Variants in SHANK2 observed in about 807,000 individuals in gnomAD.
SHANK2 encodes the protein SH3 and multiple ankyrin repeat domains 2, also known as SH3 and multiple ankyrin repeat domains protein 2.
A neutral mutation model predicts 133.7 loss-of-function variants in SHANK2; 43 were observed. The ratio of observed to expected loss-of-function variants is 0.32; its 90% CI spans 0.25 to 0.41. The LOEUF (loss-of-function observed/expected upper bound fraction) is 0.41, where lower values mean the gene tolerates loss of function less well. SHANK2 is among the 10% of genes least tolerant of loss of function. SHANK2 has a pLI of 1.00. For synonymous variants in SHANK2, 1,017 were observed against 952.8 expected, an observed-to-expected ratio of 1.07 and a Z score of -1.24; for missense variants, 1,994 against 2,235.8, an observed-to-expected ratio of 0.89 and a Z score of 2.18.
chr11:70,922,135 C>T (rs142589643), intron 10 of SHANK2, among the ~76,000 whole-genome samples: 5 of 152,218 alleles, frequency 3.3e-5, no homozygotes, highest in African/African-American at 1.2e-4. Context: ...CCAACGTCTA[C>T]AATTAAGGAC....
intron 17 of SHANK2, among the ~76,000 whole-genome samples, chr11:70,572,592 T>C (rs1211480518): frequency 6.6e-6 from 1 of 152,138 alleles, no homozygotes; most frequent in Non-Finnish European, 1.5e-5. Flanking sequence ...AGCCCCTCTG[T>C]TCCCCACAAC....
chr11:70,954,571 C>G (rs916382352), intron 10 of SHANK2, among the ~76,000 whole-genome samples: 1 of 152,220 alleles, frequency 6.6e-6, no homozygotes, highest in African/African-American at 2.4e-5. Context: ...TCGGGAGATC[C>G]GCCCTCACTT....
intron 1 of SHANK2, among the ~76,000 whole-genome samples, chr11:71,236,717 T>C (rs758633022): frequency 3.9e-4 from 60 of 152,358 alleles, no homozygotes; most frequent in Non-Finnish European, 7.6e-4. Context: ...GTCCATTCCC[T>C]CATGTATTGC....
chr11:70,670,964 G>A (rs1313947042), intron 15 of SHANK2, among the ~76,000 whole-genome samples: 2 of 152,328 alleles, frequency 1.3e-5, no homozygotes, highest in Non-Finnish European at 1.5e-5. Flanking sequence ...TGCGCTGGCG[G>A]AAGCCATTTC....
At chr11:70,548,210 C>G (rs1264978945) in intron 17 of SHANK2, among the ~76,000 whole-genome samples, 2 of 152,270 alleles carry the variant, frequency 1.3e-5, no homozygotes, top group African/African-American at 4.8e-5. Flanking sequence ...CTGCTCTCCC[C>G]ACTCAGCGGC....
chr11:70,758,488 G>A (rs944691986), intron 14 of SHANK2, among the ~76,000 whole-genome samples: 5 of 152,202 alleles, frequency 3.3e-5, no homozygotes, highest in Admixed American at 1.3e-4. Flanking sequence ...TTGTTCCTGC[G>A]CCAGCTAAGT....
chr11:70,485,803 C>G lies in SHANK2; in HGVS notation c.4490G>C (p.Arg1497Pro). Residue 1497 changes from arginine (R) to proline (P), a missense_variant, in exon 25 of 26, where the codon CGG becomes CCG. This residue lies in a region of SHANK2 where 797 missense variants were observed against 907.4 expected (regional missense o/e 0.88). Transcript: ENST00000601538. The surrounding 1 kb of genome is among the most constrained non-coding windows in gnomAD (Gnocchi z 5.8). ...ADSGIEEVDSRSSSDHHLETT... is the reference protein window; with the variant it reads ...ADSGIEEVDSPSSSDHHLETT... ...CTCGAGGTGGTGGTCGCTGCTACTC[C>G]GGCTGTCCACCTCCTCGATCCCAGA... 6.2e-7 allele frequency: 1 copy of G among 1,613,860 alleles called. No homozygotes were observed. Among genetic ancestry groups the G allele is most frequent in the Non-Finnish European group, 8.5e-7 (1 of 1,180,014 alleles).
chr11:70,547,955 C>T (rs553086925), intron 17 of SHANK2, among the ~76,000 whole-genome samples: 54 of 152,376 alleles, frequency 3.5e-4, no homozygotes, highest in African/African-American at 1.2e-3. Context: ...GAACCGGAAA[C>T]ATCCTGTCTC....
intron 10 of SHANK2, among the ~76,000 whole-genome samples, chr11:70,950,783 G>A (rs1950822099): frequency 6.6e-6 from 1 of 152,036 alleles, no homozygotes; most frequent in African/African-American, 2.4e-5. Context: ...AATTTTGTGT[G>A]TGTGTGTGTA....
intron 3 of SHANK2, among the ~76,000 whole-genome samples, chr11:71,127,063 T>C (rs1311093582): frequency 1.1e-4 from 17 of 152,198 alleles, no homozygotes; most frequent in Non-Finnish European, 1.9e-4. Flanking sequence ...TTGGAAGAAG[T>C]TGATTCCAAC....
chr11:70,476,654 G>C (rs111835504), intron 25 of SHANK2, among the ~76,000 whole-genome samples: 1,572 of 152,326 alleles, frequency 0.01, 29 homozygotes, highest in African/African-American at 0.036. Flanking sequence ...CACAGGGAAT[G>C]TTTCCTATAA....
At chr11:70,874,674 T>TA (rs34587004) in intron 11 of SHANK2, among the ~76,000 whole-genome samples, 73,071 of 114,024 alleles carry the variant, frequency 0.64, 23,133 homozygotes, top group Admixed American at 0.73. Context: ...CTGCATTTAC[T>TA]AAAAAAAAAA....
intron 2 of SHANK2, among the ~76,000 whole-genome samples, chr11:71,192,094 C>G (rs1953805657): frequency 6.6e-6 from 1 of 152,128 alleles, no homozygotes; most frequent in South Asian, 2.1e-4. Flanking sequence ...CTCCTGGCCT[C>G]AAGTGATCCA....
At chr11:70,741,612 T>C (rs1322291522) in intron 14 of SHANK2, among the ~76,000 whole-genome samples, 2 of 152,088 alleles carry the variant, frequency 1.3e-5, no homozygotes, top group African/African-American at 4.8e-5. Context: ...CTGTGTGTCC[T>C]CCCCAGGCCC....
In SHANK2 at chr11:70,789,458, G is replaced by A. The variant is rs369969220; in HGVS notation, c.1777+8985C>T. Reference sequence around the variant, plus strand: ...AGAGTGGCCAGTCAAGGGAAGGCACGGCTAATCCCATCCTACACTCACACC... The same window carrying A: ...AGAGTGGCCAGTCAAGGGAAGGCACAGCTAATCCCATCCTACACTCACACC... On this transcript the variant is annotated intron_variant, in intron 14 of 25. Coordinates refer to ENST00000601538, the MANE Select transcript of SHANK2 (RefSeq NM_012309.5). 8.1e-4 allele frequency among the ~76,000 whole-genome samples: 124 copies of A among 152,224 alleles called. 1 individual carries two copies. The highest frequency in any genetic ancestry group is 2.9e-3 in the African/African-American group (122 of 41,522).
chr11:70,581,383 A>T (rs1461759621), intron 17 of SHANK2, among the ~76,000 whole-genome samples: 2 of 151,922 alleles, frequency 1.3e-5, no homozygotes, highest in Non-Finnish European at 2.9e-5. Flanking sequence ...CCAACACCAT[A>T]ACTCACTGTA....
intron 17 of SHANK2, among the ~76,000 whole-genome samples, chr11:70,635,771 G>A (rs2061068604): frequency 1.3e-5 from 2 of 151,964 alleles, no homozygotes; most frequent in Admixed American, 1.3e-4. Flanking sequence ...AAAAAAAGGG[G>A]GGAGGAAGTG....
At chr11:71,159,381 T>G (rs1192235836) in intron 2 of SHANK2, among the ~76,000 whole-genome samples, 2 of 152,188 alleles carry the variant, frequency 1.3e-5, no homozygotes, top group Non-Finnish European at 2.9e-5. Context: ...ATGACCCTTG[T>G]GATGACATTC....
chr11:70,566,701 T>A (rs2059972825), intron 17 of SHANK2: 1 of 152,132 alleles, frequency 6.6e-6, no homozygotes, highest in Admixed American at 6.5e-5. Context: ...TGTTTGATGG[T>A]GAGTGTGCCC....
Sources: gnomAD v4.1 joint callset for allele counts (sites outside exome capture counted in the v4.1 genomes callset) on GRCh38, gnomAD v4.1.1 for gene constraint, gnomAD v4.1.1 regional missense constraint, Gnocchi (gnomAD v3.1) non-coding constraint, MANE v1.5 for transcripts, NCBI Gene and HGNC (gene_info 2026-07-23, HGNC 2026-07-21) for gene names.